The following PDE1C variants were observed in gnomAD, a reference collection of about 807,000 sequenced individuals.
PDE1C encodes the protein dual specificity calcium/calmodulin-dependent 3',5'-cyclic nucleotide phosphodiesterase 1C.
Under a neutral mutation model 93.1 loss-of-function variants are expected in PDE1C, and 62 were observed. The observed-to-expected ratio is 0.67, with a 90% CI of 0.54 to 0.82. PDE1C has a LOEUF of 0.82. PDE1C is among the 40% of genes least tolerant of loss of function. The pLI, the probability that PDE1C is intolerant of heterozygous loss-of-function variation, is 0.00. For missense variants in PDE1C, 742 were observed against 884.6 expected (o/e 0.84, Z 2.04); for synonymous variants, 325 against 310.1 (o/e 1.05, Z -0.50).
chr7:32,105,015 G>A (rs1033383610), intron 3 of PDE1C, among the ~76,000 whole-genome samples: 4 of 152,102 alleles, frequency 2.6e-5, no homozygotes, highest in Non-Finnish European at 5.9e-5. Context: ...CATATGAATT[G>A]TGGTTAAAAA....
Position 31,753,379 on chromosome 7 carries a change from T to G in PDE1C, c.*5A>C. On this transcript the variant is annotated 3_prime_UTR_variant, in exon 18 of 18. Coordinates refer to ENST00000396191, the MANE Select transcript of PDE1C (RefSeq NM_001191057.4). ...TCCTTCACTCCCTCTCTTCTTCCCC[T>G]CGGCCTATTTTCTGTTCCAGTTATG... The G allele has an allele frequency of 6.2e-7, 1 of 1,610,650 alleles. No individual in the cohort carries two copies. The highest frequency in any genetic ancestry group is 8.5e-7 in the Non-Finnish European group (1 of 1,178,720).
At chr7:31,734,066 A>G in the PDE1C span, among the ~76,000 whole-genome samples, 1 of 152,056 alleles carries the variant, frequency 6.6e-6, no homozygotes, top group Non-Finnish European at 1.5e-5. Flanking sequence ...AAGTAATAAA[A>G]CTACCCCTCC....
chr7:31,739,967 T>C, the PDE1C span, among the ~76,000 whole-genome samples: 1 of 152,242 alleles, frequency 6.6e-6, no homozygotes, highest in Non-Finnish European at 1.5e-5. Context: ...TTTCTCTCTC[T>C]TTCCCAAAAC....
intron 7 of PDE1C, among the ~76,000 whole-genome samples, chr7:31,863,394 T>A (rs1794903213): frequency 6.6e-6 from 1 of 152,156 alleles, no homozygotes; most frequent in South Asian, 2.1e-4. Flanking sequence ...TTTGAAGATA[T>A]CATATTGCAT....
rs75151556 is a variant in PDE1C, at chr7:31,909,945, T to C, written c.129-29085A>G. ...AGTGTAGCATGTTTAACAATATCCC[T>C]GGTCTCTACCCACGAGATGCCAGTA... On this transcript the variant is annotated intron_variant, in intron 2 of 17. Coordinates refer to ENST00000396191, the MANE Select transcript of PDE1C (RefSeq NM_001191057.4). Among the ~76,000 whole-genome samples the C allele has an allele frequency of 3.1e-3, 474 of 152,274 alleles. 4 individuals carry two copies. The highest frequency in any genetic ancestry group is 0.011 in the African/African-American group (450 of 41,554).
chr7:32,117,771 T>C (rs1338983639), intron 3 of PDE1C, among the ~76,000 whole-genome samples: 1 of 152,238 alleles, frequency 6.6e-6, no homozygotes, highest in Admixed American at 6.5e-5. Context: ...TTTTCTTTCC[T>C]GAATGACTAA....
the PDE1C span, chr7:31,655,674 CT>C: frequency 2.1e-6 from 2 of 939,180 alleles, no homozygotes; most frequent in African/African-American, 3.5e-5. Flanking sequence ...CCCATCTTGG[CT>C]CCTATATCAT....
chr7:32,272,189 C>T (rs533261418), intron 1 of PDE1C, among the ~76,000 whole-genome samples: 102 of 152,268 alleles, frequency 6.7e-4, no homozygotes, highest in African/African-American at 2.3e-3. Context: ...CAATGGGGCC[C>T]GCAGTGAATA....
intron 1 of PDE1C, among the ~76,000 whole-genome samples, chr7:32,059,510 C>T (rs1794542218): frequency 6.6e-6 from 1 of 152,182 alleles, no homozygotes; most frequent in South Asian, 2.1e-4. Context: ...ACTGATCTCC[C>T]TCCGCATCCC....
At chr7:32,253,133 A>G (rs1809512327) in intron 1 of PDE1C, among the ~76,000 whole-genome samples, 1 of 152,220 alleles carries the variant, frequency 6.6e-6, no homozygotes. Context: ...GAGATCATGT[A>G]TCTTAGAAAG....
the PDE1C span, among the ~76,000 whole-genome samples, chr7:31,705,525 G>A: frequency 1.1e-4 from 16 of 152,168 alleles, no homozygotes; most frequent in African/African-American, 3.9e-4. Flanking sequence ...CCAGACTCTT[G>A]AAATTGTTTT....
At chr7:31,936,554 A>G (rs1317228425) in intron 2 of PDE1C, among the ~76,000 whole-genome samples, 2 of 152,140 alleles carry the variant, frequency 1.3e-5, no homozygotes, top group Non-Finnish European at 2.9e-5. Flanking sequence ...CCCACTAAGG[A>G]CATGTACTAA....
chr7:31,886,870 G>GGATCTTTTCAGAATA (rs1798005674), intron 2 of PDE1C, among the ~76,000 whole-genome samples: 1 of 119,152 alleles, frequency 8.4e-6, no homozygotes, highest in African/African-American at 4.2e-5. Context: ...AGATCTATTC[G>GGATCTTTTCAGAATA]GATCTATTCA....
rs1020962334 is a variant in PDE1C, at chr7:32,363,065, G to A, written c.310+64757C>T. Among the ~76,000 whole-genome samples, 4 of 152,324 alleles carry A rather than the reference G, an allele frequency of 2.6e-5. No homozygotes were observed. In the South Asian group the frequency reaches 8.3e-4, roughly 32 times the overall value. On this transcript the variant is annotated intron_variant, in intron 1 of 1. Coordinates refer to the PDE1C transcript ENST00000672256. ...GAGCATTCACTGTGTGCCAAGCACCGTTCAGCTTCCTTTATAAATATAGTG... is the reference window on the plus strand; with the variant it reads ...GAGCATTCACTGTGTGCCAAGCACCATTCAGCTTCCTTTATAAATATAGTG...
intron 17 of PDE1C, among the ~76,000 whole-genome samples, chr7:31,767,333 T>G (rs1201849380): frequency 6.6e-6 from 1 of 151,944 alleles, no homozygotes; most frequent in African/African-American, 2.4e-5. Context: ...TGGTGGGAGG[T>G]GATTTGATCA....
chr7:32,332,957 G>C (rs1279218052), intron 1 of PDE1C, among the ~76,000 whole-genome samples: 1 of 152,068 alleles, frequency 6.6e-6, no homozygotes, highest in Non-Finnish European at 1.5e-5. Context: ...CTGGCCAGTG[G>C]CTCCACAGGA....
intron 1 of PDE1C, among the ~76,000 whole-genome samples, chr7:32,339,507 T>C (rs1432364386): frequency 1.3e-5 from 2 of 152,338 alleles, no homozygotes; most frequent in South Asian, 2.1e-4. Flanking sequence ...TTTTACATTA[T>C]GCATATTTTA....
At chr7:31,850,960 T>G (rs1043673551) in intron 7 of PDE1C, 1 of 493,002 alleles carries the variant, frequency 2.0e-6, no homozygotes, top group African/African-American at 1.9e-5. Context: ...ATAAGCTAAG[T>G]AGTAGTTTTA....
At chr7:31,878,933 G>A (rs1796926917) in intron 4 of PDE1C, 63 bp downstream of exon 4, 2 of 1,484,826 alleles carry the variant, frequency 1.3e-6, no homozygotes, top group East Asian at 4.6e-5. Context: ...AAAGCTTCCA[G>A]TTATTGGAAA....
Sources: allele counts gnomAD v4.1 joint callset (sites outside exome capture counted in the v4.1 genomes callset), GRCh38; gene constraint gnomAD v4.1.1; transcripts MANE v1.5; gene names NCBI Gene and HGNC (gene_info 2026-07-23, HGNC 2026-07-21).